Variants in CEACAM5 observed in about 807,000 individuals in gnomAD.
The protein encoded by CEACAM5 is cell adhesion molecule CEACAM5.
Under a neutral mutation model 63.0 loss-of-function variants are expected in CEACAM5, and 52 were observed. That is an observed-to-expected ratio of 0.83 (90% CI 0.66 to 1.04). The LOEUF (loss-of-function observed/expected upper bound fraction) is 1.04, where lower values mean the gene tolerates loss of function less well. Among genes scored for constraint, CEACAM5 ranks in the 50% least tolerant of loss-of-function variants. CEACAM5 has a pLI of 0.00. For missense variants in CEACAM5, 790 were observed against 864.8 expected, an observed-to-expected ratio of 0.91 and a Z score of 1.08; for synonymous variants, 357 against 351.3, an observed-to-expected ratio of 1.02 and a Z score of -0.18.
At chr19:41,717,787 C>T (rs2072551894) in intron 5 of CEACAM5, 54 bp downstream of exon 5, 3 of 1,593,202 alleles carry the variant, frequency 1.9e-6, no homozygotes, top group South Asian at 1.1e-5. Flanking sequence ...ATCCACATAG[C>T]CAAAGTCCAG....
At chr19:41,716,360 C>A (rs1311418234) in intron 4 of CEACAM5, among the ~76,000 whole-genome samples, 1 of 152,244 alleles carries the variant, frequency 6.6e-6, no homozygotes. Flanking sequence ...GGAGACACAG[C>A]TCAGACTGCT....
rs1286798725 is a variant in CEACAM5 at position 41,729,848 on chromosome 19, CTA to C, written c.*703_*704del. 6.6e-6 allele frequency: 1 copy of C among 152,114 alleles called. No homozygotes were observed. Among genetic ancestry groups the C allele is most frequent in the East Asian group, 1.9e-4 (1 of 5,202 alleles). The allele number at this position is 152,114 out of a possible 1,614,324, so 9.4% of individuals were successfully genotyped here. On this transcript the variant is annotated 3_prime_UTR_variant, in exon 10 of 10. Transcript: ENST00000221992. ...ATGTGGTCGCTCCAGACTTGGGAAA[CTA>C]TTCATGAATATTTATATTGTATGGT...
intron 8 of CEACAM5, among the ~76,000 whole-genome samples, chr19:41,726,589 G>A (rs1454816480): frequency 6.6e-6 from 1 of 152,208 alleles, no homozygotes; most frequent in Non-Finnish European, 1.5e-5. Flanking sequence ...GAGGAAAAGT[G>A]GAGTAGAAGT....
Position 41,708,752 on chromosome 19 carries a change from T to TC in CEACAM5, c.25dup (p.His9ProfsTer31), listed in dbSNP as rs782163428. 1 of 1,611,856 alleles carries TC rather than the reference T, an allele frequency of 6.2e-7. No homozygotes were observed. Among genetic ancestry groups the TC allele is most frequent in the Non-Finnish European group, 8.5e-7 (1 of 1,178,906 alleles). On this transcript the variant is annotated frameshift_variant, in exon 1 of 10. Transcript: ENST00000221992. LOFTEE classifies it high-confidence loss of function. The stretch of plus-strand genomic sequence containing the variant: ...AGACCATGGAGTCTCCCTCGGCCCC[T>TC]CCCCACAGATGGTGCATCCCCTGGC...
chr19:41,710,610 C>A (rs2072421341), intron 2 of CEACAM5, among the ~76,000 whole-genome samples: 1 of 152,100 alleles, frequency 6.6e-6, no homozygotes, highest in African/African-American at 2.4e-5. Context: ...AAGGACAGAG[C>A]CTTGTCCTTT....
At chr19:41,718,431 T>C in intron 6 of CEACAM5, 49 bp downstream of exon 6, 1 of 1,590,904 alleles carries the variant, frequency 6.3e-7, no homozygotes, top group Non-Finnish European at 8.6e-7. Context: ...GCGGAATCTG[T>C]CTGGTTTTCA....
At chr19:41,716,773 T>C (rs1326881459) in intron 4 of CEACAM5, among the ~76,000 whole-genome samples, 1 of 152,156 alleles carries the variant, frequency 6.6e-6, no homozygotes, top group Admixed American at 6.5e-5. Context: ...AAACTTACCA[T>C]CTTAACTTTT....
At chr19:41,726,578 T>G (rs909933746) in intron 8 of CEACAM5, among the ~76,000 whole-genome samples, 2 of 152,080 alleles carry the variant, frequency 1.3e-5, no homozygotes, top group African/African-American at 4.8e-5. Context: ...GGAACCACCA[T>G]GAGGAAAAGT....
Position 41,729,469 on chromosome 19 carries a change from G to C in CEACAM5, c.*322G>C, listed in dbSNP as rs1250863204. 2 of 151,746 alleles carry C rather than the reference G, an allele frequency of 1.3e-5. No individual in the cohort carries two copies. Among genetic ancestry groups the C allele is most frequent in the Middle Eastern group, 3.4e-3 (1 of 294 alleles). The allele number at this position is 151,746 out of a possible 1,614,324, so 9.4% of individuals were successfully genotyped here. ...CACTGCACTCCAGTCTGGCAACAGA[G>C]CAAGACTCCATCTCAAAAAGAAAAG... On this transcript the variant is annotated 3_prime_UTR_variant, in exon 10 of 10. Coordinates refer to ENST00000221992, the MANE Select transcript of CEACAM5 (RefSeq NM_004363.6).
chr19:41,724,566 C>T (rs1600477177), intron 8 of CEACAM5, among the ~76,000 whole-genome samples: 4 of 152,190 alleles, frequency 2.6e-5, no homozygotes, highest in Admixed American at 2.6e-4. Context: ...TGGTATTGTC[C>T]TCCTAGCAAT....
chr19:41,715,461 A>G, intron 3 of CEACAM5, 189 bp from the exon 4 acceptor site: 2 of 1,117,020 alleles, frequency 1.8e-6, no homozygotes, highest in Non-Finnish European at 1.3e-6. Context: ...TGGGAGGCTC[A>G]GGGTCCACAC....
chr19:41,714,617 T>C (rs1555814560), intron 2 of CEACAM5, among the ~76,000 whole-genome samples: 1 of 152,112 alleles, frequency 6.6e-6, no homozygotes, highest in Non-Finnish European at 1.5e-5. Context: ...ACCCAGCACT[T>C]GAATGTTCCA....
intron 6 of CEACAM5, 57 bp from the exon 7 acceptor site, chr19:41,719,873 G>A: frequency 6.2e-7 from 1 of 1,606,352 alleles, no homozygotes; most frequent in Non-Finnish European, 8.5e-7. Flanking sequence ...ATTGAAAGAT[G>A]CCTGTGAGGA....
At chr19:41,714,203 A>AAAAC (rs1220938386) in intron 2 of CEACAM5, among the ~76,000 whole-genome samples, 1 of 152,190 alleles carries the variant, frequency 6.6e-6, no homozygotes, top group East Asian at 1.9e-4. Context: ...TCCATCTCAA[A>AAAAC]AAACAAACAA....
intron 9 of CEACAM5, among the ~76,000 whole-genome samples, chr19:41,728,654 G>C (rs1280015885): frequency 6.6e-6 from 1 of 152,130 alleles, no homozygotes; most frequent in Admixed American, 6.5e-5. Context: ...GGGCATGGTG[G>C]CACGTGCCTG....
chr19:41,716,699 G>C (rs577226277), intron 4 of CEACAM5, among the ~76,000 whole-genome samples: 1 of 152,198 alleles, frequency 6.6e-6, no homozygotes, highest in Non-Finnish European at 1.5e-5. Context: ...GGCTCTGCAC[G>C]GCAGGGAATG....
At position 41,717,749 on chromosome 19, in the gene CEACAM5, T is replaced by A; in HGVS notation, c.1237+16T>A. 6.2e-7 allele frequency: 1 copy of A among 1,611,112 alleles called. No homozygotes were observed. The highest frequency in any genetic ancestry group is 8.5e-7 in the Non-Finnish European group (1 of 1,177,754). ...AATGTCCTCTGTGAGTATCTTCTGT[T>A]CCTCTGTGGCTCAGGCTGCCAGCCC... On this transcript the variant is annotated intron_variant, in intron 5 of 9. Transcript: ENST00000221992.
At chr19:41,723,679 C>T (rs759732906) in intron 8 of CEACAM5, among the ~76,000 whole-genome samples, 2 of 151,990 alleles carry the variant, frequency 1.3e-5, no homozygotes, top group Non-Finnish European at 1.5e-5. Context: ...AGGCCCTGCA[C>T]GGTGGTTCCT....
intron 2 of CEACAM5, among the ~76,000 whole-genome samples, chr19:41,712,226 C>A (rs1293010138): frequency 1.3e-5 from 2 of 152,234 alleles, no homozygotes; most frequent in Non-Finnish European, 2.9e-5. Flanking sequence ...ATCCTGGGAC[C>A]TCCCCCAGGT....
Sources: allele counts gnomAD v4.1 joint callset (sites outside exome capture counted in the v4.1 genomes callset), GRCh38; gene constraint gnomAD v4.1.1; transcripts MANE v1.5; gene names NCBI Gene and HGNC (gene_info 2026-07-23, HGNC 2026-07-21).